ANXA11: variants seen among roughly 807,000 people sequenced by gnomAD.
ANXA11 encodes the protein annexin A11.
In ANXA11, 57 loss-of-function variants were observed where a neutral mutation model predicts 64.7. The ratio of observed to expected loss-of-function variants is 0.88; its 90% CI spans 0.71 to 1.10. The LOEUF is 1.10. ANXA11 is among the 50% of genes least tolerant of loss of function. The probability of loss-of-function intolerance (pLI) is 0.00; values close to 1 mark genes in which losing one functional copy is unlikely to be tolerated. For missense variants in ANXA11, 675 were observed against 670.7 expected (o/e 1.01, Z -0.07); for synonymous variants, 260 against 265.2 (o/e 0.98, Z 0.19).
In ANXA11 at chr10:80,163,980, A is replaced by C. The variant is rs932257658; in HGVS notation, c.949+73T>G. 14 of 1,305,908 alleles carry C rather than the reference A, an allele frequency of 1.1e-5. No homozygotes were observed. The African/African-American group carries it at 2.0e-4, about 19-fold the overall frequency. 80.9% of individuals were successfully genotyped at this position (1,305,908 alleles called of 1,614,324 possible). A position where few individuals can be genotyped will look rare whatever the true frequency, so the allele number is the denominator to read the frequency against. The stretch of plus-strand genomic sequence containing the variant: ...GAAGGAGTAAAAGGCCCTAGGAGAG[A>C]ATGAGGCCACAGCCCCAAGAGCACA... On this transcript the variant is annotated intron_variant, in intron 9 of 15. Transcript: ENST00000422982.
Position 80,163,341 on chromosome 10 carries a change from A to C in ANXA11, c.1086+8T>G. The C allele has an allele frequency of 1.9e-6, 3 of 1,612,940 alleles. No homozygotes were observed. The highest frequency in any genetic ancestry group is 8.5e-7 in the Non-Finnish European group (1 of 1,179,994). On this transcript the variant is annotated splice_region_variant and intron_variant, in intron 11 of 15. Transcript: ENST00000422982. ...TAGGAAGTCCAGGGGCTTGGCCATC[A>C]CACTCACCTGGGCATCTCTCTGGGC...
intron 12 of ANXA11, among the ~76,000 whole-genome samples, chr10:80,159,692 T>G (rs1056065998): frequency 6.6e-6 from 1 of 152,134 alleles, no homozygotes; most frequent in Non-Finnish European, 1.5e-5. Context: ...CTCAAGGAAG[T>G]CAGAGTCTTC....
intron 1 of ANXA11, among the ~76,000 whole-genome samples, chr10:80,183,524 C>A (rs776434850): frequency 6.6e-6 from 1 of 152,222 alleles, no homozygotes; most frequent in Non-Finnish European, 1.5e-5. Context: ...CTAAAATACA[C>A]CAGGGACATG....
chr10:80,167,394 G>C (rs145453139), intron 5 of ANXA11, 81 bp from the exon 6 acceptor site: 157 of 1,258,678 alleles, frequency 1.2e-4, no homozygotes, highest in Non-Finnish European at 1.7e-4. Flanking sequence ...CCTAGACTCT[G>C]GGAACAGCCC....
chr10:80,183,726 C>T (rs1846439150), intron 1 of ANXA11, among the ~76,000 whole-genome samples: 3 of 152,358 alleles, frequency 2.0e-5, no homozygotes, highest in Admixed American at 1.3e-4. Flanking sequence ...GAAGACCCCT[C>T]CTCCAAGGGC....
intron 1 of ANXA11, among the ~76,000 whole-genome samples, chr10:80,186,927 A>C (rs1846563120): frequency 6.6e-6 from 1 of 152,248 alleles, no homozygotes; most frequent in South Asian, 2.1e-4. Flanking sequence ...CATAAGAGCC[A>C]ATGCTCAGTC....
At chr10:80,156,657 G>A (rs1379394323) in intron 15 of ANXA11, among the ~76,000 whole-genome samples, 1 of 152,102 alleles carries the variant, frequency 6.6e-6, no homozygotes, top group Non-Finnish European at 1.5e-5. Context: ...TGGGATTACA[G>A]GCAAGCCCAG....
At chr10:80,163,450 T>C in intron 10 of ANXA11, 45 bp from the exon 11 acceptor site, 1 of 1,613,670 alleles carries the variant, frequency 6.2e-7, no homozygotes, top group Non-Finnish European at 8.5e-7. Flanking sequence ...CTTCCCCATT[T>C]ATTTTCCCTT....
At chr10:80,201,237 C>T (rs1261739818) in intron 1 of ANXA11, among the ~76,000 whole-genome samples, 1 of 152,168 alleles carries the variant, frequency 6.6e-6, no homozygotes, top group Non-Finnish European at 1.5e-5. Flanking sequence ...GCTGACCACT[C>T]CATCCCACGA....
intron 12 of ANXA11, among the ~76,000 whole-genome samples, chr10:80,160,302 C>T (rs868152427): frequency 6.6e-6 from 1 of 152,218 alleles, no homozygotes; most frequent in Non-Finnish European, 1.5e-5. Context: ...GGCTCCATTA[C>T]AGGATAGTGC....
At chr10:80,195,843 G>C (rs1242970455) in intron 1 of ANXA11, 3 of 153,170 alleles carry the variant, frequency 2.0e-5, no homozygotes, top group Non-Finnish European at 4.4e-5. Flanking sequence ...CTTTATAAAA[G>C]CATCAGATCT....
chr10:80,185,193 A>T (rs908668132), intron 1 of ANXA11, among the ~76,000 whole-genome samples: 3 of 152,150 alleles, frequency 2.0e-5, no homozygotes, highest in Non-Finnish European at 4.4e-5. Flanking sequence ...TTTCACTATA[A>T]GTCTGTTTGC....
Position 80,169,350 on chromosome 10 carries a change from G to A in ANXA11, c.180C>T (p.Asn60=). The change falls in exon 5 of 16, where the codon AAC becomes AAT. Residue 60 remains asparagine, a synonymous_variant. Transcript: ENST00000422982. ...TGGCTCCTCCAAATGTCCCAGACAT[G>A]TTGGCCGCCTGCAAGGACACAAAGC... The part of the protein sequence containing the change: ...NQDYLSGMAA[N]MSGTFGGANM... 1 of 1,605,914 alleles carries A rather than the reference G, an allele frequency of 6.2e-7. No homozygotes were observed. The highest frequency in any genetic ancestry group is 2.2e-5 in the East Asian group (1 of 44,874).
At chr10:80,177,019 A>C (rs1589435893) in intron 1 of ANXA11, among the ~76,000 whole-genome samples, 5 of 138,338 alleles carry the variant, frequency 3.6e-5, no homozygotes, top group African/African-American at 2.8e-5. Context: ...TCACTGTGTC[A>C]CCCAGGCTGC....
intron 5 of ANXA11, among the ~76,000 whole-genome samples, chr10:80,168,573 A>C (rs1054465519): frequency 1.3e-5 from 2 of 152,092 alleles, no homozygotes; most frequent in Non-Finnish European, 2.9e-5. Flanking sequence ...TCTGTCACCT[A>C]GGCTGGAGTG....
At chr10:80,192,194 G>C (rs1007834914) in intron 1 of ANXA11, among the ~76,000 whole-genome samples, 5 of 152,234 alleles carry the variant, frequency 3.3e-5, no homozygotes, top group African/African-American at 1.2e-4. Flanking sequence ...GCTGAGGAGA[G>C]ATTAATTTTG....
chr10:80,185,980 G>A (rs1846521573), intron 1 of ANXA11, among the ~76,000 whole-genome samples: 1 of 150,830 alleles, frequency 6.6e-6, no homozygotes, highest in South Asian at 2.1e-4. Context: ...CTTCATTAAA[G>A]GTACTTCATT....
intron 1 of ANXA11, among the ~76,000 whole-genome samples, chr10:80,201,462 C>G (rs192445494): frequency 6.6e-6 from 1 of 152,178 alleles, no homozygotes; most frequent in African/African-American, 2.4e-5. Flanking sequence ...CCAGACCCAC[C>G]AGCTTATTTG....
At position 80,172,991 on chromosome 10, in the gene ANXA11, A is replaced by G. The variant is rs906522675; in HGVS notation, c.-8-122T>C. 7 of 804,548 alleles carry G rather than the reference A, an allele frequency of 8.7e-6. No homozygotes were observed. In the African/African-American group the frequency reaches 1.0e-4, roughly 12 times the overall value. The allele number at this position is 804,548 out of a possible 1,614,324, so 49.8% of individuals were successfully genotyped here. ...GGGACCCTGCAGAAGAAACTGCTGC[A>G]TCTGCCCTGCTTGTCGCAGACCAGT... On this transcript the variant is annotated intron_variant, in intron 2 of 15. Transcript: ENST00000422982.
Sources: gnomAD v4.1 joint callset for allele counts (sites outside exome capture counted in the v4.1 genomes callset) on GRCh38, gnomAD v4.1.1 for gene constraint, MANE v1.5 for transcripts, NCBI Gene and HGNC (gene_info 2026-07-23, HGNC 2026-07-21) for gene names.